Variants in OSBPL3 observed in about 807,000 individuals in gnomAD.
The protein encoded by OSBPL3 is oxysterol binding protein like 3, also known as oxysterol-binding protein-related protein 3.
In OSBPL3, 65 loss-of-function variants were observed where a neutral mutation model predicts 120.1. The observed-to-expected ratio is 0.54, with a 90% CI of 0.44 to 0.67. The LOEUF is 0.67. OSBPL3 is among the 30% of genes least tolerant of loss of function. The pLI is 0.00. For synonymous variants in OSBPL3, 416 were observed against 402.6 expected (o/e 1.03, Z -0.40); for missense variants, 1,004 against 1,082.1 (o/e 0.93, Z 1.01).
chr7:24,870,220 C>G (rs1044368609), intron 5 of OSBPL3, among the ~76,000 whole-genome samples: 1 of 152,146 alleles, frequency 6.6e-6, no homozygotes, highest in Non-Finnish European at 1.5e-5. Flanking sequence ...GTAGGAGAGA[C>G]AGCACAAGAG....
Position 24,815,938 on chromosome 7 carries a change from ATAAG to A in OSBPL3, c.2027+668_2027+671del, listed in dbSNP as rs1430963210. Reference sequence around the variant, plus strand: ...TGCTCAGAAGCATCTTGCTTTATAAATAAGTATCAATCATCCCTATCAGATCAAG... The same window carrying A: ...TGCTCAGAAGCATCTTGCTTTATAAATATCAATCATCCCTATCAGATCAAG... On this transcript the variant is annotated intron_variant, in intron 18 of 22. Coordinates refer to ENST00000313367, the MANE Select transcript of OSBPL3 (RefSeq NM_015550.4). The surrounding 1 kb of genome is among the most constrained non-coding windows in gnomAD (Gnocchi z 5.1). Among the ~76,000 whole-genome samples the A allele has an allele frequency of 6.6e-6, 1 of 152,220 alleles. No homozygotes were observed. The highest frequency in any genetic ancestry group is 1.5e-5 in the Non-Finnish European group (1 of 68,038).
intron 1 of OSBPL3, among the ~76,000 whole-genome samples, chr7:24,903,963 A>T (rs373072581): frequency 6.8e-6 from 1 of 147,962 alleles, no homozygotes; most frequent in South Asian, 2.2e-4. Context: ...GCTCACTGCA[A>T]CCTCTGCCTC....
chr7:24,930,826 A>G lies in OSBPL3; in HGVS notation c.-149-38205T>C, dbSNP rs1811700718. Among the ~76,000 whole-genome samples the G allele has an allele frequency of 6.6e-6, 1 of 152,336 alleles. No homozygotes were observed. The highest frequency in any genetic ancestry group is 2.1e-4 in the South Asian group (1 of 4,822). On this transcript the variant is annotated intron_variant, in intron 1 of 22. Transcript: ENST00000313367. The surrounding 1 kb of genome is among the most constrained non-coding windows in gnomAD (Gnocchi z 4.4). ...GGATTTCTGATTAAATGAATTCATC[A>G]ATGAGATTTTGTCACTGAAACTTGA...
rs62450562 is a variant in OSBPL3 at position 24,872,450 on chromosome 7, T to A, written c.97-381A>T. Among the ~76,000 whole-genome samples, 494 of 86,182 alleles carry A rather than the reference T, an allele frequency of 5.7e-3. 2 individuals are homozygous for A. In the East Asian group the frequency reaches 0.15, roughly 26 times the overall value. 56.5% of individuals were successfully genotyped at this position (86,182 alleles called of 152,430 possible). ...AGTCTGAATTTTAACCGAAAGAGAG[T>A]GTGTGTGTGTGTGTGTGTGTGTGTG... On this transcript the variant is annotated intron_variant, in intron 2 of 22. Transcript: ENST00000313367. This position sits in a 1 kb window ranked among gnomAD's most constrained non-coding sequence, Gnocchi z 4.1.
In OSBPL3 at chr7:24,820,465, G is replaced by T. The variant is rs1309259752; in HGVS notation, c.1885-227C>A. Among the ~76,000 whole-genome samples the T allele has an allele frequency of 1.3e-5, 2 of 152,176 alleles. No individual in the cohort carries two copies. The highest frequency in any genetic ancestry group is 2.9e-5 in the Non-Finnish European group (2 of 68,038). ...CTGAGGGGAAGGCCCTTGAACGGAAGCCTCCAGAAGCCTCCGTGGGAGGGC... is the reference window on the plus strand; with the variant it reads ...CTGAGGGGAAGGCCCTTGAACGGAATCCTCCAGAAGCCTCCGTGGGAGGGC... On this transcript the variant is annotated intron_variant, in intron 16 of 22. Transcript: ENST00000313367. This position sits in a 1 kb window ranked among gnomAD's most constrained non-coding sequence, Gnocchi z 4.6.
Position 24,894,736 on chromosome 7 carries a change from C to T in OSBPL3, c.-149-2115G>A, listed in dbSNP as rs928719208. On this transcript the variant is annotated intron_variant, in intron 1 of 22. Coordinates refer to ENST00000313367, the MANE Select transcript of OSBPL3 (RefSeq NM_015550.4). This position sits in a 1 kb window ranked among gnomAD's most constrained non-coding sequence, Gnocchi z 4.1. Reference sequence around the variant, plus strand: ...GTCTGGGATGAGAGGGGTGTGTGTGCAATGTAAAGGGAGAGAAACGTGGGC... The same window carrying T: ...GTCTGGGATGAGAGGGGTGTGTGTGTAATGTAAAGGGAGAGAAACGTGGGC... Among the ~76,000 whole-genome samples the T allele has an allele frequency of 6.6e-6, 1 of 151,978 alleles. No individual in the cohort carries two copies. The highest frequency in any genetic ancestry group is 2.4e-5 in the African/African-American group (1 of 41,338).
At chr7:24,893,396 T>G (rs1463664802) in intron 1 of OSBPL3, among the ~76,000 whole-genome samples, 1 of 152,206 alleles carries the variant, frequency 6.6e-6, no homozygotes, top group Non-Finnish European at 1.5e-5. Context: ...ATTGTATGTT[T>G]CCATATGAAA....
rs1805771367 is a variant in OSBPL3 at position 24,894,087 on chromosome 7, A to C, written c.-149-1466T>G. Among the ~76,000 whole-genome samples, 1 of 152,210 alleles carries C rather than the reference A, an allele frequency of 6.6e-6. No homozygotes were observed. The highest frequency in any genetic ancestry group is 1.5e-5 in the Non-Finnish European group (1 of 68,040). On this transcript the variant is annotated intron_variant, in intron 1 of 22. Coordinates refer to ENST00000313367, the MANE Select transcript of OSBPL3 (RefSeq NM_015550.4). This position sits in a 1 kb window ranked among gnomAD's most constrained non-coding sequence, Gnocchi z 4.1. ...TATTTGTCTAGGAACCAGCTAGTTA[A>C]CTATGATATCAAACCTGGCTAATTA... is the stretch of plus-strand genomic sequence containing the variant.
In OSBPL3 at chr7:24,835,660, A is replaced by G. The variant is rs1029594777; in HGVS notation, c.1496-924T>C. 2.0e-5 allele frequency among the ~76,000 whole-genome samples: 3 copies of G among 152,208 alleles called. No homozygotes were observed. Among genetic ancestry groups the G allele is most frequent in the Non-Finnish European group, 4.4e-5 (3 of 68,038 alleles). On this transcript the variant is annotated intron_variant, in intron 14 of 22. Transcript: ENST00000313367. The surrounding 1 kb of genome is among the most constrained non-coding windows in gnomAD (Gnocchi z 4.8). ...TCCCAACAGCAAAGACATGGAATCAATTTAAATGCCCATCAACAGTAGACT... is the reference window on the plus strand; with the variant it reads ...TCCCAACAGCAAAGACATGGAATCAGTTTAAATGCCCATCAACAGTAGACT...
At position 24,966,872 on chromosome 7, in the gene OSBPL3, A is replaced by T. The variant is rs1816442672; in HGVS notation, c.-150+13014T>A. ...ATTCATATATAAATCACATACATAC[A>T]AATTTATGTCAACAAATAATCATTT... On this transcript the variant is annotated intron_variant, in intron 1 of 22. Transcript: ENST00000313367. The surrounding 1 kb of genome is among the most constrained non-coding windows in gnomAD (Gnocchi z 4.8). Among the ~76,000 whole-genome samples, 1 of 152,240 alleles carries T rather than the reference A, an allele frequency of 6.6e-6. No individual in the cohort carries two copies.
At chr7:24,907,021 C>A (rs1300355779) in intron 1 of OSBPL3, among the ~76,000 whole-genome samples, 1 of 152,114 alleles carries the variant, frequency 6.6e-6, no homozygotes, top group Non-Finnish European at 1.5e-5. Context: ...AAGATACCCA[C>A]CCTCTATTAA....
intron 1 of OSBPL3, among the ~76,000 whole-genome samples, chr7:24,962,189 G>A (rs1409285986): frequency 6.6e-6 from 1 of 151,754 alleles, no homozygotes; most frequent in African/African-American, 2.4e-5. Context: ...TGTAATCCCA[G>A]CTACTCGGGA....
intron 12 of OSBPL3, among the ~76,000 whole-genome samples, chr7:24,848,303 T>TA (rs1192770005): frequency 5.9e-5 from 9 of 152,238 alleles, no homozygotes; most frequent in Non-Finnish European, 1.2e-4. Flanking sequence ...TTACCTGCCT[T>TA]ACATTTTTTA....
At chr7:24,886,571 G>A (rs993834632) in intron 2 of OSBPL3, among the ~76,000 whole-genome samples, 5 of 152,178 alleles carry the variant, frequency 3.3e-5, no homozygotes, top group Non-Finnish European at 1.5e-5. Flanking sequence ...GATATTTGTC[G>A]CTGGTTTTCA....
intron 2 of OSBPL3, among the ~76,000 whole-genome samples, chr7:24,887,399 G>A (rs1420506493): frequency 1.3e-5 from 2 of 152,166 alleles, no homozygotes; most frequent in Non-Finnish European, 2.9e-5. Flanking sequence ...TTGAAACAAG[G>A]TCATGTGAGT....
At position 24,821,366 on chromosome 7, in the gene OSBPL3, T is replaced by A. The variant is rs1407636089; in HGVS notation, c.1885-1128A>T. 6.6e-6 allele frequency among the ~76,000 whole-genome samples: 1 copy of A among 152,200 alleles called. No homozygotes were observed. The highest frequency in any genetic ancestry group is 2.4e-5 in the African/African-American group (1 of 41,450). On this transcript the variant is annotated intron_variant, in intron 16 of 22. Coordinates refer to ENST00000313367, the MANE Select transcript of OSBPL3 (RefSeq NM_015550.4). This position sits in a 1 kb window ranked among gnomAD's most constrained non-coding sequence, Gnocchi z 5.5. ...AGAAAAAAAATGTTTTAAGCAGCTG[T>A]ACAGTTTTCAGACCCGTCTTATCAA...
At position 24,947,778 on chromosome 7, in the gene OSBPL3, TCACACACA is replaced by T. The variant is rs56135680; in HGVS notation, c.-150+32100_-150+32107del. Among the ~76,000 whole-genome samples, 11 of 148,220 alleles carry T rather than the reference TCACACACA, an allele frequency of 7.4e-5. No individual in the cohort carries two copies. The highest frequency in any genetic ancestry group is 2.2e-4 in the South Asian group (1 of 4,592). On this transcript the variant is annotated intron_variant, in intron 1 of 22. Coordinates refer to ENST00000313367, the MANE Select transcript of OSBPL3 (RefSeq NM_015550.4). This position sits in a 1 kb window ranked among gnomAD's most constrained non-coding sequence, Gnocchi z 4.4. ...ATGTATACATACATATCCAATTAAATCACACACACACACACACACACACACACACACTC... is the reference window on the plus strand; with the variant it reads ...ATGTATACATACATATCCAATTAAATCACACACACACACACACACACACTC...
At position 24,940,348 on chromosome 7, in the gene OSBPL3, G is replaced by A. The variant is rs1812934014; in HGVS notation, c.-150+39538C>T. ...GGAGAAAGAAATGAATCCTATAGAA[G>A]ATCAGGAGGTGTAGAAATTACTGGT... On this transcript the variant is annotated intron_variant, in intron 1 of 22. Coordinates refer to ENST00000313367, the MANE Select transcript of OSBPL3 (RefSeq NM_015550.4). This position sits in a 1 kb window ranked among gnomAD's most constrained non-coding sequence, Gnocchi z 4.4. 6.6e-6 allele frequency among the ~76,000 whole-genome samples: 1 copy of A among 152,166 alleles called. No homozygotes were observed. Among genetic ancestry groups the A allele is most frequent in the Non-Finnish European group, 1.5e-5 (1 of 68,032 alleles).
chr7:24,928,904 G>A (rs1056225710), intron 1 of OSBPL3, among the ~76,000 whole-genome samples: 19 of 152,146 alleles, frequency 1.2e-4, no homozygotes, highest in South Asian at 4.1e-4. Context: ...CAATTTATCT[G>A]TTCACCAGCT....
Sources: allele counts gnomAD v4.1 joint callset (sites outside exome capture counted in the v4.1 genomes callset), GRCh38; gene constraint gnomAD v4.1.1; non-coding constraint Gnocchi (gnomAD v3.1); transcripts MANE v1.5; gene names NCBI Gene and HGNC (gene_info 2026-07-23, HGNC 2026-07-21).